IQSEC1: variants seen among roughly 807,000 people sequenced by gnomAD.
IQSEC1 encodes the protein IQ motif and SEC7 domain-containing protein 1.
A neutral mutation model predicts 91.0 loss-of-function variants in IQSEC1; 31 were observed. The observed-to-expected ratio is 0.34, with a 90% CI of 0.26 to 0.46. IQSEC1 has a LOEUF of 0.46. Among genes scored for constraint, IQSEC1 ranks in the 20% least tolerant of loss-of-function variants. The probability of loss-of-function intolerance (pLI) is 1.00; values close to 1 mark genes in which losing one functional copy is unlikely to be tolerated. For missense variants in IQSEC1, 1,388 were observed against 1,575.6 expected, an observed-to-expected ratio of 0.88 and a Z score of 2.02; for synonymous variants, 699 against 662.6, an observed-to-expected ratio of 1.05 and a Z score of -0.84.
At chr3:12,984,309 C>G (rs1473171665) in intron 1 of IQSEC1, among the ~76,000 whole-genome samples, 1 of 152,316 alleles carries the variant, frequency 6.6e-6, no homozygotes, top group Middle Eastern at 3.4e-3. Context: ...CGAGCATACT[C>G]AAGTCTAGTT....
intron 1 of IQSEC1, among the ~76,000 whole-genome samples, chr3:12,989,820 T>A (rs932569496): frequency 6.6e-6 from 1 of 151,986 alleles, no homozygotes; most frequent in African/African-American, 2.4e-5. Flanking sequence ...AGGGATTAGG[T>A]CCCCCATGAT....
At chr3:13,067,419 G>C (rs1039105216) in intron 1 of IQSEC1, among the ~76,000 whole-genome samples, 6 of 152,206 alleles carry the variant, frequency 3.9e-5, no homozygotes, top group African/African-American at 1.2e-4. Flanking sequence ...TTGGGTGGGG[G>C]GCTCCCAGCC....
chr3:12,972,979 A>G (rs1700979540), intron 1 of IQSEC1, among the ~76,000 whole-genome samples: 1 of 152,206 alleles, frequency 6.6e-6, no homozygotes, highest in African/African-American at 2.4e-5. Context: ...AGATAAATAA[A>G]GCTGTTCTTA....
At chr3:13,122,139 C>A (rs745407288) in intron 2 of IQSEC1, among the ~76,000 whole-genome samples, 1 of 152,128 alleles carries the variant, frequency 6.6e-6, no homozygotes, top group Non-Finnish European at 1.5e-5. Flanking sequence ...GGGCCGGGCC[C>A]GAGTGTAAAC....
In IQSEC1 at chr3:12,899,958, C is replaced by T. The variant is rs1048070229; in HGVS notation, c.*1025G>A. The T allele has an allele frequency of 5.3e-5, 52 of 984,986 alleles. No individual in the cohort carries two copies. Among genetic ancestry groups the T allele is most frequent in the Admixed American group, 6.2e-5 (1 of 16,224 alleles). 61.0% of individuals were successfully genotyped at this position (984,986 alleles called of 1,614,324 possible). A position where few individuals can be genotyped will look rare whatever the true frequency, so the allele number is the denominator to read the frequency against. On this transcript the variant is annotated 3_prime_UTR_variant, in exon 14 of 14. Transcript: ENST00000613206. ...GAATGAGTGTGCGTCAAATCATATG[C>T]GCATAAAAGAAACATGGATCATGGA...
At position 13,008,487 on chromosome 3, in the gene IQSEC1, C is replaced by G. The variant is rs1423651811; in HGVS notation, c.23+64505G>C. On this transcript the variant is annotated intron_variant, in intron 1 of 13. Coordinates refer to ENST00000613206, the MANE Select transcript of IQSEC1 (RefSeq NM_001134382.3). The surrounding 1 kb of genome is among the most constrained non-coding windows in gnomAD (Gnocchi z 4.1). ...CCTCTGCCACCTGGCTGGCCCCCAT[C>G]TTTGCTAGCCACCTCCTTCTTGCTC... is the stretch of plus-strand genomic sequence containing the variant. 6.6e-6 allele frequency among the ~76,000 whole-genome samples: 1 copy of G among 152,208 alleles called. No homozygotes were observed. The highest frequency in any genetic ancestry group is 2.4e-5 in the African/African-American group (1 of 41,454).
At chr3:13,253,223 G>C (rs1170618991) in intron 1 of IQSEC1, among the ~76,000 whole-genome samples, 1 of 152,188 alleles carries the variant, frequency 6.6e-6, no homozygotes, top group Non-Finnish European at 1.5e-5. Flanking sequence ...CTGTTTTATA[G>C]ATTTAACATT....
chr3:13,128,640 C>A (rs532033013), intron 2 of IQSEC1, among the ~76,000 whole-genome samples: 1 of 151,860 alleles, frequency 6.6e-6, no homozygotes, highest in African/African-American at 2.4e-5. Flanking sequence ...CCGAGGCGGG[C>A]GGATCACGAG....
chr3:13,210,534 T>G (rs892966254), intron 1 of IQSEC1, among the ~76,000 whole-genome samples: 10 of 152,174 alleles, frequency 6.6e-5, no homozygotes, highest in African/African-American at 2.4e-4. Flanking sequence ...AGGAGGGGGT[T>G]GATGCGTGTC....
chr3:13,171,151 T>C (rs1183791890), intron 1 of IQSEC1, among the ~76,000 whole-genome samples: 3 of 152,064 alleles, frequency 2.0e-5, no homozygotes, highest in Non-Finnish European at 4.4e-5. Context: ...CATTTCTCCC[T>C]GAGGAAATCC....
intron 1 of IQSEC1, among the ~76,000 whole-genome samples, chr3:13,011,546 C>G (rs1156663717): frequency 1.3e-5 from 2 of 152,196 alleles, no homozygotes; most frequent in African/African-American, 4.8e-5. Flanking sequence ...TATTCTAGCC[C>G]TTGTTATCCT....
At chr3:13,275,811 G>C (rs1376703227) in intron 1 of IQSEC1, among the ~76,000 whole-genome samples, 2 of 152,242 alleles carry the variant, frequency 1.3e-5, no homozygotes, top group African/African-American at 2.4e-5. Flanking sequence ...GCCCAGGAAG[G>C]GGTGTGAGTA....
intron 3 of IQSEC1, among the ~76,000 whole-genome samples, chr3:12,932,421 C>T (rs1001134568): frequency 1.3e-5 from 2 of 152,210 alleles, no homozygotes; most frequent in Non-Finnish European, 2.9e-5. Context: ...CGTCCCTAGT[C>T]GTCTACCAAC....
At chr3:13,169,352 G>A (rs559825508) in intron 1 of IQSEC1, among the ~76,000 whole-genome samples, 1 of 152,310 alleles carries the variant, frequency 6.6e-6, no homozygotes, top group South Asian at 2.1e-4. Flanking sequence ...TAGCCATGTG[G>A]AACTGTAAGT....
At chr3:12,984,082 C>T (rs1185504199) in intron 1 of IQSEC1, among the ~76,000 whole-genome samples, 2 of 152,182 alleles carry the variant, frequency 1.3e-5, no homozygotes, top group African/African-American at 4.8e-5. Context: ...TTCTCTAAGT[C>T]AGGCCATCCT....
chr3:12,993,710 C>G (rs1042491332), intron 1 of IQSEC1, among the ~76,000 whole-genome samples: 1 of 152,242 alleles, frequency 6.6e-6, no homozygotes, highest in Non-Finnish European at 1.5e-5. Flanking sequence ...GCGTCCTCAC[C>G]GCTCCAGTCC....
intron 1 of IQSEC1, among the ~76,000 whole-genome samples, chr3:13,190,268 G>T (rs188538389): frequency 6.6e-6 from 1 of 152,296 alleles, no homozygotes; most frequent in Admixed American, 6.5e-5. Flanking sequence ...CTTAGGCGGC[G>T]GATGCTCCAT....
intron 1 of IQSEC1, among the ~76,000 whole-genome samples, chr3:13,249,462 T>C (rs1297641693): frequency 6.6e-6 from 1 of 151,970 alleles, no homozygotes; most frequent in Non-Finnish European, 1.5e-5. Context: ...GTGAGCCACC[T>C]TGCCTGGCCC....
At chr3:13,009,885 C>T (rs1488591661) in intron 1 of IQSEC1, among the ~76,000 whole-genome samples, 1 of 152,198 alleles carries the variant, frequency 6.6e-6, no homozygotes, top group African/African-American at 2.4e-5. Context: ...GCCAGCCTGT[C>T]CTCCATCCAA....
Sources: allele counts gnomAD v4.1 joint callset (sites outside exome capture counted in the v4.1 genomes callset), GRCh38; gene constraint gnomAD v4.1.1; non-coding constraint Gnocchi (gnomAD v3.1); transcripts MANE v1.5; gene names NCBI Gene and HGNC (gene_info 2026-07-23, HGNC 2026-07-21).